The following ARIH2 variants were observed in gnomAD, a reference collection of about 807,000 sequenced individuals.
ARIH2 encodes ariadne RBR E3 ubiquitin protein ligase 2.
In ARIH2, 12 loss-of-function variants were observed where a neutral mutation model predicts 79.8. That is an observed-to-expected ratio of 0.15 (90% CI 0.10 to 0.24). The LOEUF (loss-of-function observed/expected upper bound fraction) is 0.24. Ranked by LOEUF, ARIH2 falls within the 10% of genes least tolerant of loss-of-function variation. The probability of loss-of-function intolerance (pLI) is 1.00; values close to 1 mark genes in which losing one functional copy is unlikely to be tolerated. For missense variants in ARIH2, 301 were observed against 618.3 expected, an observed-to-expected ratio of 0.49 and a Z score of 5.44; for synonymous variants, 224 against 213.9, an observed-to-expected ratio of 1.05 and a Z score of -0.41.
At chr3:48,932,588 A>G (rs560221895) in intron 3 of ARIH2, among the ~76,000 whole-genome samples, 2 of 152,262 alleles carry the variant, frequency 1.3e-5, no homozygotes, top group South Asian at 4.2e-4. Context: ...AACTCTTGAG[A>G]TATTTGCTGA....
At chr3:48,932,831 G>T (rs946175377) in intron 3 of ARIH2, among the ~76,000 whole-genome samples, 1 of 152,170 alleles carries the variant, frequency 6.6e-6, no homozygotes, top group Non-Finnish European at 1.5e-5. Flanking sequence ...AGTCCAGGAG[G>T]TGTAGTGAGC....
chr3:48,954,462 C>T (rs181754864), intron 3 of ARIH2, among the ~76,000 whole-genome samples: 186 of 151,920 alleles, frequency 1.2e-3, no homozygotes, highest in Admixed American at 3.7e-3. Context: ...TTTTTTTCTA[C>T]GTATAGGATC....
intron 7 of ARIH2, 59 bp downstream of exon 7, chr3:48,968,714 C>A: frequency 6.4e-7 from 1 of 1,574,102 alleles, no homozygotes; most frequent in South Asian, 1.1e-5. Context: ...ATCAGAGGGT[C>A]ACCACAGTTA....
intron 1 of ARIH2, among the ~76,000 whole-genome samples, chr3:48,920,386 C>G (rs2084642791): frequency 7.0e-6 from 1 of 143,668 alleles, no homozygotes; most frequent in South Asian, 2.4e-4. Flanking sequence ...TAAATGTGCA[C>G]CTAGAACATT....
intron 3 of ARIH2, among the ~76,000 whole-genome samples, chr3:48,959,621 G>A (rs1457024848): frequency 7.9e-6 from 1 of 126,850 alleles, no homozygotes; most frequent in East Asian, 2.3e-4. Flanking sequence ...GGCTAACATG[G>A]TGAAACCCCG....
chr3:48,921,936 G>T (rs2084889206), intron 1 of ARIH2, among the ~76,000 whole-genome samples: 1 of 152,028 alleles, frequency 6.6e-6, no homozygotes, highest in Non-Finnish European at 1.5e-5. Flanking sequence ...TGACATAAAT[G>T]AGCCACGACA....
intron 3 of ARIH2, among the ~76,000 whole-genome samples, chr3:48,956,149 T>C (rs961421187): frequency 6.6e-6 from 1 of 152,030 alleles, no homozygotes; most frequent in Non-Finnish European, 1.5e-5. Context: ...TTTACTTTTT[T>C]TTTTTTTGAG....
In ARIH2 at chr3:48,927,793, A is replaced by G. The variant is rs199731867; in HGVS notation, c.235A>G (p.Ser79Gly). The change falls in exon 3 of 16, where the codon AGC becomes GGC. Residue 79 changes from serine to glycine, a missense_variant. Ser to Gly is a moderately conservative substitution (Grantham distance 56, BLOSUM62 0). Around this residue, in one of 2 missense-constraint regions of ARIH2, gnomAD observed 223 missense variants for 349.4 expected, o/e 0.64. Coordinates refer to ENST00000356401, the MANE Select transcript of ARIH2 (RefSeq NM_006321.4). ...GGGTGCCCTCAATGAGCACATGACC[A>G]GCTTAGCTTCTGTCCTAAAGGTGAG... ...SEGALNEHMT[S>G]LASVLKVSHS... 38 of 1,614,162 alleles carry G rather than the reference A, an allele frequency of 2.4e-5. No individual in the cohort carries two copies. Among genetic ancestry groups the G allele is most frequent in the Middle Eastern group, 3.3e-4 (2 of 6,062 alleles).
rs568511881 is a variant in ARIH2, at chr3:48,970,004, C to T, written c.661-591C>T. 2.8e-3 allele frequency among the ~76,000 whole-genome samples: 428 copies of T among 151,804 alleles called. 4 individuals are homozygous for T. Among genetic ancestry groups the T allele is most frequent in the African/African-American group, 9.8e-3 (406 of 41,354 alleles). On this transcript the variant is annotated intron_variant, in intron 7 of 15. Transcript: ENST00000356401. Reference sequence around the variant, plus strand: ...CTCCCAGGTTCAAGCGATTCTGCAGCCTCAGCCTCCTGAGTAGCTGAGGTT... The same window carrying T: ...CTCCCAGGTTCAAGCGATTCTGCAGTCTCAGCCTCCTGAGTAGCTGAGGTT...
intron 3 of ARIH2, among the ~76,000 whole-genome samples, chr3:48,957,983 G>A (rs1194651964): frequency 1.3e-5 from 2 of 152,092 alleles, no homozygotes; most frequent in Non-Finnish European, 2.9e-5. Flanking sequence ...CAAAGTGCTG[G>A]GATTACAGGT....
intron 7 of ARIH2, 45 bp downstream of exon 7, chr3:48,968,700 T>A (rs2091969872): frequency 6.3e-7 from 1 of 1,585,410 alleles, no homozygotes; most frequent in Admixed American, 1.7e-5. Context: ...CGGGCCTACC[T>A]TCCATCAGAG....
chr3:48,949,741 A>C (rs1325526110), intron 3 of ARIH2, among the ~76,000 whole-genome samples: 1 of 152,038 alleles, frequency 6.6e-6, no homozygotes, highest in African/African-American at 2.4e-5. Context: ...GTTCTAAGAG[A>C]GAATTCTTTA....
chr3:48,965,977 A>G (rs1185593134), intron 5 of ARIH2, among the ~76,000 whole-genome samples: 2 of 151,474 alleles, frequency 1.3e-5, no homozygotes, highest in Non-Finnish European at 2.9e-5. Context: ...AAAAAAATCT[A>G]AGCCACCTCT....
intron 11 of ARIH2, among the ~76,000 whole-genome samples, chr3:48,978,485 T>G (rs866145691): frequency 8.5e-6 from 1 of 117,440 alleles, no homozygotes; most frequent in Non-Finnish European, 1.9e-5. Context: ...ATATATATAT[T>G]TTTTTTTTTT....
At chr3:48,972,969 C>G (rs1157237685) in intron 8 of ARIH2, among the ~76,000 whole-genome samples, 1 of 152,216 alleles carries the variant, frequency 6.6e-6, no homozygotes, top group African/African-American at 2.4e-5. Context: ...CCCATCTCAA[C>G]CTTCCATAGT....
chr3:48,942,645 A>ATTTTTTT (rs745532484), intron 3 of ARIH2, among the ~76,000 whole-genome samples: 2 of 104,728 alleles, frequency 1.9e-5, no homozygotes, highest in Non-Finnish European at 4.0e-5. Context: ...TGCCCGGCTA[A>ATTTTTTT]TTTTTTTTTT....
At chr3:48,920,285 A>G (rs1269112117) in intron 1 of ARIH2, among the ~76,000 whole-genome samples, 1 of 151,876 alleles carries the variant, frequency 6.6e-6, no homozygotes, top group African/African-American at 2.4e-5. Context: ...ATGACCTTTA[A>G]AAAAATTTTT....
chr3:48,924,627 T>A (rs2085307634), intron 2 of ARIH2: 1 of 151,898 alleles, frequency 6.6e-6, no homozygotes. Context: ...GTGATTCTCC[T>A]GCCTCAGCCT....
intron 3 of ARIH2, chr3:48,948,956 G>T (rs2089588028): frequency 5.1e-6 from 2 of 390,724 alleles, no homozygotes; most frequent in Non-Finnish European, 1.1e-5. Flanking sequence ...TCATTTGTAA[G>T]TTGAGGGACA....
Sources: gnomAD v4.1 joint callset for allele counts (sites outside exome capture counted in the v4.1 genomes callset) on GRCh38, gnomAD v4.1.1 for gene constraint, gnomAD v4.1.1 regional missense constraint, MANE v1.5 for transcripts, NCBI Gene and HGNC (gene_info 2026-07-23, HGNC 2026-07-21) for gene names.